PHEX: variants seen among roughly 807,000 people sequenced by gnomAD.
The protein encoded by PHEX is phosphate regulating endopeptidase X-linked.
PHEX carries 16 observed loss-of-function variants against 68.0 expected under a neutral mutation model. The observed-to-expected ratio is 0.24, with a 90% confidence interval of 0.16 to 0.36. The LOEUF (loss-of-function observed/expected upper bound fraction) is 0.36, where lower values mean the gene tolerates loss of function less well. Ranked by LOEUF, PHEX falls within the 10% of genes least tolerant of loss-of-function variation. The pLI, the probability that PHEX is intolerant of heterozygous loss-of-function variation, is 1.00. For synonymous variants in PHEX, 208 were observed against 205.1 expected, an observed-to-expected ratio of 1.01 and a Z score of -0.12; for missense variants, 480 against 575.5, an observed-to-expected ratio of 0.83 and a Z score of 1.70.
intron 16 of PHEX, among the ~76,000 whole-genome samples, chrX:22,216,976 A>G (rs1935116645): frequency 8.9e-6 from 1 of 112,251 alleles, no homozygotes; most frequent in Admixed American, 9.4e-5. Flanking sequence ...ATTGAAACTT[A>G]AAATGATTCA....
intron 18 of PHEX, among the ~76,000 whole-genome samples, chrX:22,224,979 A>ATACAGCGCTGTATGATTTATTATCC: frequency 9.0e-6 from 1 of 111,620 alleles, no homozygotes; most frequent in South Asian, 3.6e-4. Context: ...ATTTATTATC[A>ATACAGCGCTGTATGATTTATTATCC]TACAGCTCTG....
intron 12 of PHEX, among the ~76,000 whole-genome samples, chrX:22,160,879 A>C (rs1374249956): frequency 9.0e-6 from 1 of 111,648 alleles, no homozygotes; most frequent in Non-Finnish European, 1.9e-5. Flanking sequence ...CACACCTGTA[A>C]TCCCAGCACT....
chrX:22,092,835 C>T (rs751418151), intron 6 of PHEX, among the ~76,000 whole-genome samples: 194 of 101,624 alleles, frequency 1.9e-3, no homozygotes, highest in Non-Finnish European at 3.4e-3. Flanking sequence ...CTGCAACCTC[C>T]GCCTCCTGGG....
chrX:22,063,992 A>C (rs1928487737), intron 3 of PHEX, among the ~76,000 whole-genome samples: 1 of 112,601 alleles, frequency 8.9e-6, no homozygotes, highest in Admixed American at 9.4e-5. Flanking sequence ...ATATTTCATC[A>C]AATCAAAAAT....
chrX:22,047,255 A>G (rs1569369732), intron 3 of PHEX, 44 bp downstream of exon 3: 2 of 1,061,016 alleles, frequency 1.9e-6, no homozygotes, highest in Non-Finnish European at 2.6e-6. Flanking sequence ...ATAGAGAGCA[A>G]TATTTGACAG....
intron 11 of PHEX, among the ~76,000 whole-genome samples, chrX:22,119,274 A>C (rs758470326): frequency 8.9e-6 from 1 of 112,382 alleles, no homozygotes; most frequent in East Asian, 2.8e-4. Flanking sequence ...AACTTTGTCT[A>C]TCAGAGGACT....
chrX:22,148,141 A>G (rs944958529), intron 12 of PHEX, among the ~76,000 whole-genome samples: 8 of 110,889 alleles, frequency 7.2e-5, no homozygotes, highest in African/African-American at 2.6e-4. Context: ...TGCTGGTTTC[A>G]CCTGGAGTCC....
At chrX:22,173,685 A>G (rs1200614919) in intron 13 of PHEX, among the ~76,000 whole-genome samples, 1 of 111,272 alleles carries the variant, frequency 9.0e-6, no homozygotes, top group Non-Finnish European at 1.9e-5. Context: ...ACATGTAGAT[A>G]TAAAATACGG....
intron 15 of PHEX, among the ~76,000 whole-genome samples, chrX:22,206,074 G>A (rs1019734807): frequency 2.7e-5 from 3 of 111,913 alleles, no homozygotes; most frequent in African/African-American, 9.7e-5. Context: ...AAAGTTTATT[G>A]GAAAAATGTG....
chrX:22,110,948 G>C (rs778565963), intron 9 of PHEX, among the ~76,000 whole-genome samples: 5 of 111,669 alleles, frequency 4.5e-5, no homozygotes, highest in Non-Finnish European at 9.4e-5. Flanking sequence ...TAGACACGCC[G>C]ATTAACCTAG....
intron 2 of PHEX, among the ~76,000 whole-genome samples, chrX:22,041,265 C>CTATATATATATATATATATATATA (rs556410356): frequency 1.4e-5 from 1 of 72,825 alleles, no homozygotes; most frequent in Non-Finnish European, 2.4e-5. Context: ...CTCTCTCTCT[C>CTATATATATATATATATATATATA]TATATATATA....
At chrX:22,048,269 G>A (rs1927638035) in intron 3 of PHEX, among the ~76,000 whole-genome samples, 1 of 110,623 alleles carries the variant, frequency 9.0e-6, no homozygotes, top group South Asian at 3.8e-4. Flanking sequence ...ATTATAAATG[G>A]GAATTTACAA....
chrX:22,119,767 AT>A (rs972744644), intron 11 of PHEX, among the ~76,000 whole-genome samples: 2 of 107,947 alleles, frequency 1.9e-5, no homozygotes, highest in African/African-American at 3.4e-5. Context: ...TAATTTTTGT[AT>A]TTTTTTTGGG....
chrX:22,211,386 A>G (rs1333731184), intron 15 of PHEX, among the ~76,000 whole-genome samples: 3 of 112,234 alleles, frequency 2.7e-5, no homozygotes, highest in African/African-American at 9.7e-5. Flanking sequence ...TACTATAAGA[A>G]AAATTAAAGA....
chrX:22,225,233 T>C (rs1202011604), intron 18 of PHEX, among the ~76,000 whole-genome samples: 8 of 109,851 alleles, frequency 7.3e-5, no homozygotes, highest in Non-Finnish European at 1.3e-4. Context: ...TGTAAGAACT[T>C]TTGTAATTAC....
chrX:22,182,620 G>A (rs1034579309), intron 14 of PHEX, among the ~76,000 whole-genome samples: 1 of 109,972 alleles, frequency 9.1e-6, no homozygotes, highest in African/African-American at 3.4e-5. Flanking sequence ...GTGTGTGTGT[G>A]TGGCTAGTTG....
chrX:22,148,677 T>G (rs1379499679), intron 12 of PHEX, among the ~76,000 whole-genome samples: 3 of 111,486 alleles, frequency 2.7e-5, no homozygotes, highest in Middle Eastern at 9.2e-3. Flanking sequence ...TACTTTCTAC[T>G]CTCTGTTTCT....
intron 3 of PHEX, among the ~76,000 whole-genome samples, chrX:22,052,266 G>T (rs1368053402): frequency 8.9e-6 from 1 of 112,228 alleles, no homozygotes; most frequent in African/African-American, 3.2e-5. Flanking sequence ...TTGCCCTGTT[G>T]CCCAGGCTGG....
intron 15 of PHEX, among the ~76,000 whole-genome samples, chrX:22,211,216 A>G (rs1265251476): frequency 3.6e-5 from 4 of 112,295 alleles, no homozygotes; most frequent in Non-Finnish European, 5.6e-5. Context: ...TGTCAGGTAC[A>G]TAATTTGGGA....
Sources: gnomAD v4.1 joint callset for allele counts (sites outside exome capture counted in the v4.1 genomes callset) on GRCh38, gnomAD v4.1.1 for gene constraint, MANE v1.5 for transcripts, NCBI Gene and HGNC (gene_info 2026-07-23, HGNC 2026-07-21) for gene names.